The following TCF20 variants were observed in gnomAD, a reference collection of about 807,000 sequenced individuals.
TCF20 encodes the protein SPRE-binding protein.
In TCF20, 3 loss-of-function variants were observed where a neutral mutation model predicts 148.6. The ratio of observed to expected loss-of-function variants is 0.02; its 90% confidence interval spans 0.01 to 0.05. The LOEUF (loss-of-function observed/expected upper bound fraction) is 0.05, where lower values mean the gene tolerates loss of function less well. Ranked by LOEUF, TCF20 falls within the 10% of genes least tolerant of loss-of-function variation. The pLI is 1.00. For missense variants in TCF20, 2,350 were observed against 2,429.3 expected, an observed-to-expected ratio of 0.97 and a Z score of 0.69; for synonymous variants, 1,049 against 909.5, an observed-to-expected ratio of 1.15 and a Z score of -2.76.
At chr22:42,256,641 C>G (rs1031293302) in intron 1 of TCF20, among the ~76,000 whole-genome samples, 3 of 152,066 alleles carry the variant, frequency 2.0e-5, no homozygotes, top group African/African-American at 7.2e-5. Context: ...AAACTCACAT[C>G]TACTAGAAAA....
chr22:42,207,982 T>C (rs186693027), intron 2 of TCF20, among the ~76,000 whole-genome samples: 89 of 152,280 alleles, frequency 5.8e-4, no homozygotes, highest in Non-Finnish European at 1.0e-3. Context: ...TAAGCTCAGG[T>C]GGTGAGACCA....
chr22:42,262,919 C>A (rs899352596), intron 1 of TCF20, among the ~76,000 whole-genome samples: 5 of 152,216 alleles, frequency 3.3e-5, no homozygotes, highest in Non-Finnish European at 5.9e-5. Flanking sequence ...AGAATTAGCA[C>A]GGACCAGCCC....
upstream of TCF20, among the ~76,000 whole-genome samples, chr22:42,271,984 C>T (rs1926637516): frequency 6.6e-6 from 1 of 152,200 alleles, no homozygotes; most frequent in Non-Finnish European, 1.5e-5. Context: ...GGCAGAGCCC[C>T]AGGTGGTCCT....
intron 1 of TCF20, among the ~76,000 whole-genome samples, chr22:42,237,490 T>C (rs186434143): frequency 3.9e-5 from 6 of 152,356 alleles, no homozygotes; most frequent in Non-Finnish European, 2.9e-5. Context: ...GGAATCATCT[T>C]CCAAACTCCT....
chr22:42,161,946 C>G (rs942978281), intron 5 of TCF20, among the ~76,000 whole-genome samples: 1 of 149,658 alleles, frequency 6.7e-6, no homozygotes, highest in African/African-American at 2.5e-5. Flanking sequence ...TACAGGTACA[C>G]GCCACCATGC....
chr22:42,212,330 A>G lies in TCF20; in HGVS notation c.2976T>C (p.Pro992=), dbSNP rs969508331. The G allele has an allele frequency of 3.1e-6, 5 of 1,614,198 alleles. No homozygotes were observed. Among genetic ancestry groups the G allele is most frequent in the Non-Finnish European group, 3.4e-6 (4 of 1,180,024 alleles). The change falls in exon 2 of 6, where the codon CCT becomes CCC. Residue 992 remains proline, a synonymous_variant. Coordinates refer to ENST00000677622, the MANE Select transcript of TCF20 (RefSeq NM_001378418.1). ...TGCCCTCCCGACCACCAACTCTGCC[A>G]GGGACCCGCCGCATTGGCGTGGGTC... The part of the protein sequence containing the change: ...DSRPTPMRRV[P]GRVGGREGMR...
At chr22:42,169,544 G>T (rs746035544) in intron 4 of TCF20, among the ~76,000 whole-genome samples, 4 of 152,210 alleles carry the variant, frequency 2.6e-5, no homozygotes, top group Non-Finnish European at 1.5e-5. Flanking sequence ...ACCTCAAGTG[G>T]AAATCAGTGG....
chr22:42,206,385 A>C (rs1282634626), intron 2 of TCF20, among the ~76,000 whole-genome samples: 3 of 152,136 alleles, frequency 2.0e-5, no homozygotes, highest in Admixed American at 2.0e-4. Flanking sequence ...GTGAAACCCC[A>C]CAACAAAGTG....
At chr22:42,252,629 T>G (rs1925471940) in intron 1 of TCF20, among the ~76,000 whole-genome samples, 1 of 152,128 alleles carries the variant, frequency 6.6e-6, no homozygotes, top group African/African-American at 2.4e-5. Flanking sequence ...TTTTGTATTT[T>G]TAGTAGAGAC....
chr22:42,332,764 C>T (rs1426634243), intron 1 of TCF20, among the ~76,000 whole-genome samples: 4 of 152,162 alleles, frequency 2.6e-5, no homozygotes, highest in Non-Finnish European at 2.9e-5. Context: ...CACCGTGCCC[C>T]GCACAGCCAA....
In TCF20 at chr22:42,243,292, C is replaced by CAAAAAAAAACAAAAAAAAAA. The variant is rs1924605276; in HGVS notation, c.-37+27046_-37+27047insTTTTTTTTTTGTTTTTTTTT. Among the ~76,000 whole-genome samples the CAAAAAAAAACAAAAAAAAAA allele has an allele frequency of 2.5e-4, 10 of 39,500 alleles. 1 individual carries two copies. Among genetic ancestry groups the CAAAAAAAAACAAAAAAAAAA allele is most frequent in the African/African-American group, 8.5e-4 (10 of 11,756 alleles). 25.9% of individuals were successfully genotyped at this position (39,500 alleles called of 152,430 possible). ...TGGCTGGCAGAGCAAGACACTGTCTCAAAAAAAAAAAAAAAAAAAAAAAAA... is the reference window on the plus strand; with the variant it reads ...TGGCTGGCAGAGCAAGACACTGTCTCAAAAAAAAACAAAAAAAAAAAAAAAAAAAAAAAAAAAAAAAAAAA... On this transcript the variant is annotated intron_variant, in intron 1 of 5. Coordinates refer to ENST00000677622, the MANE Select transcript of TCF20 (RefSeq NM_001378418.1).
At chr22:42,284,602 C>G (rs553236076), upstream of TCF20, among the ~76,000 whole-genome samples, 14 of 152,340 alleles carry the variant, frequency 9.2e-5, no homozygotes, top group South Asian at 2.5e-3. Context: ...CCTTCATGGG[C>G]CACTGGAGTG....
At chr22:42,264,496 A>T (rs1032909451) in intron 1 of TCF20, among the ~76,000 whole-genome samples, 1 of 152,178 alleles carries the variant, frequency 6.6e-6, no homozygotes. Flanking sequence ...AACCAAAAAG[A>T]TATAAACAGA....
chr22:42,324,447 GAGAAAATAATCTCCACCATTCC>G (rs1927832781), intron 1 of TCF20, among the ~76,000 whole-genome samples: 2 of 151,836 alleles, frequency 1.3e-5, no homozygotes, highest in Admixed American at 1.3e-4. Flanking sequence ...TCCACCATCT[GAGAAAATAATCTCCACCATTCC>G]AGAAAATAAT....
chr22:42,169,818 G>T (rs772468034), intron 4 of TCF20, 29 bp downstream of exon 4: 1 of 1,612,776 alleles, frequency 6.2e-7, no homozygotes, highest in Admixed American at 1.7e-5. Flanking sequence ...TCCCATCCCT[G>T]CTGGTAGCTC....
Position 42,179,719 on chromosome 22 carries a change from A to C in TCF20, c.5656-17T>G, listed in dbSNP as rs768567830. ...GGAACATTTCTGAAAGGAAGGGAAA[A>C]GTCAGGCATGTCAGTATCCCAGATT... On this transcript the variant is annotated splice_polypyrimidine_tract_variant and intron_variant, in intron 2 of 5. Transcript: ENST00000677622. The C allele has an allele frequency of 6.3e-7, 1 of 1,589,492 alleles. No homozygotes were observed. Among genetic ancestry groups the C allele is most frequent in the South Asian group, 1.1e-5 (1 of 90,578 alleles).
chr22:42,276,884 A>C (rs1192466983), intron 1 of TCF20: 1 of 152,130 alleles, frequency 6.6e-6, no homozygotes, highest in East Asian at 1.9e-4. Context: ...CTGGTCCTCG[A>C]CTGGAGCCAC....
intron 3 of TCF20, among the ~76,000 whole-genome samples, chr22:42,173,026 G>A (rs1185841441): frequency 6.6e-6 from 1 of 151,932 alleles, no homozygotes; most frequent in African/African-American, 2.4e-5. Flanking sequence ...GATGGCACCA[G>A]CAAGATCAAA....
At chr22:42,300,339 A>G (rs999260487) in intron 1 of TCF20, among the ~76,000 whole-genome samples, 4 of 152,086 alleles carry the variant, frequency 2.6e-5, no homozygotes, top group Non-Finnish European at 4.4e-5. Flanking sequence ...CAGAAGCCAG[A>G]AATCTAGATT....
Sources: gnomAD v4.1 joint callset for allele counts (sites outside exome capture counted in the v4.1 genomes callset) on GRCh38, gnomAD v4.1.1 for gene constraint, MANE v1.5 for transcripts, NCBI Gene and HGNC (gene_info 2026-07-23, HGNC 2026-07-21) for gene names.